Variants in COL6A3 observed in about 807,000 individuals in gnomAD.
The protein encoded by COL6A3 is collagen type VI alpha 3 chain, also known as collagen alpha-3(VI) chain.
Under a neutral mutation model 274.1 loss-of-function variants are expected in COL6A3, and 137 were observed. That is an observed-to-expected ratio of 0.50 (90% CI 0.44 to 0.58). The LOEUF is 0.58. Ranked by LOEUF, COL6A3 falls within the 20% of genes least tolerant of loss-of-function variation. The probability of loss-of-function intolerance (pLI) is 0.00; values close to 1 mark genes in which losing one functional copy is unlikely to be tolerated. For missense variants in COL6A3, 3,950 were observed against 4,124.9 expected (o/e 0.96, Z 1.16); for synonymous variants, 1,650 against 1,650.6 (o/e 1.00, Z 0.01).
Position 237,390,311 on chromosome 2 carries a change from T to G in COL6A3, c.710-2127A>C, listed in dbSNP as rs987358842. ...ACATTCTCTTGTAAAAGACTGAACA[T>G]CTACAGTGGCCAGTCATAGAAACAC... On this transcript the variant is annotated intron_variant, in intron 3 of 43. Transcript: ENST00000295550. Among the ~76,000 whole-genome samples the G allele has an allele frequency of 2.0e-5, 3 of 152,214 alleles. No homozygotes were observed. The East Asian group carries it at 5.8e-4, about 29-fold the overall frequency.
At position 237,394,576 on chromosome 2, in the gene COL6A3, G is replaced by A. The variant is rs111660070; in HGVS notation, c.709+11C>T. The A allele has an allele frequency of 8.5e-4, 1,378 of 1,613,738 alleles. 14 individuals are homozygous for A. The African/African-American group carries it at 0.015, about 18-fold the overall frequency. On this transcript the variant is annotated intron_variant, in intron 3 of 43. Coordinates refer to ENST00000295550, the MANE Select transcript of COL6A3 (RefSeq NM_004369.4). The stretch of plus-strand genomic sequence containing the variant: ...GCAGGGCAGGGCGTAGCTTGGTGGC[G>A]TTGCCATTACCTGTGATGTCTTTAA...
intron 30 of COL6A3, 39 bp downstream of exon 30, chr2:237,348,309 CA>C: frequency 6.3e-7 from 1 of 1,577,134 alleles, no homozygotes; most frequent in Non-Finnish European, 8.7e-7. Flanking sequence ...AGAGCCATCC[CA>C]AAATCATGAT....
At chr2:237,383,153 G>A (rs916963512) in intron 4 of COL6A3, among the ~76,000 whole-genome samples, 6 of 152,300 alleles carry the variant, frequency 3.9e-5, no homozygotes, top group African/African-American at 9.6e-5. Context: ...CAGAAGCTGG[G>A]AGCGTGATGC....
chr2:237,383,605 T>A (rs909591344), intron 4 of COL6A3, among the ~76,000 whole-genome samples: 3 of 152,084 alleles, frequency 2.0e-5, no homozygotes, highest in Non-Finnish European at 4.4e-5. Context: ...AATCTACCAC[T>A]CATGTATTTA....
In COL6A3 at chr2:237,336,364, CGGCTTTGCAGCGGCT is replaced by C. The variant is rs1700547054; in HGVS notation, c.8721_8735del (p.Ala2909_Ala2913del). On this transcript the variant is annotated inframe_deletion, in exon 40 of 44. Coordinates refer to ENST00000295550, the MANE Select transcript of COL6A3 (RefSeq NM_004369.4). ...TGGCAGCCACAGGTTTCGCAGGGGCCGGCTTTGCAGCGGCTGGCTTCACAGATGGCTGATTTATAA... is the reference window on the plus strand; with the variant it reads ...TGGCAGCCACAGGTTTCGCAGGGGCCGGCTTCACAGATGGCTGATTTATAA... The C allele has an allele frequency of 1.2e-6, 2 of 1,614,124 alleles. No individual in the cohort carries two copies.
chr2:237,412,987 G>A (rs1295489584), intron 1 of COL6A3, among the ~76,000 whole-genome samples: 1 of 152,138 alleles, frequency 6.6e-6, no homozygotes, highest in African/African-American at 2.4e-5. Context: ...CCACTCCCTA[G>A]TCCCTCCCAG....
Position 237,357,430 on chromosome 2 carries a change from GAGA to G in COL6A3, c.6538-42_6538-40del, listed in dbSNP as rs1354754585. The stretch of plus-strand genomic sequence containing the variant: ...AATTAGCATGAGATTCTCATCTGCA[GAGA>G]AGAATGTCTAGCTCTGAAATGCTGC... On this transcript the variant is annotated intron_variant, in intron 22 of 43. Coordinates refer to ENST00000295550, the MANE Select transcript of COL6A3 (RefSeq NM_004369.4). 6 of 1,544,236 alleles carry G rather than the reference GAGA, an allele frequency of 3.9e-6. No homozygotes were observed. The African/African-American group carries it at 8.2e-5, about 21-fold the overall frequency.
chr2:237,393,370 A>T (rs1198823659), intron 3 of COL6A3, among the ~76,000 whole-genome samples: 1 of 152,098 alleles, frequency 6.6e-6, no homozygotes, highest in African/African-American at 2.4e-5. Flanking sequence ...AAATAACTTC[A>T]ATCCCTCCAA....
At chr2:237,328,364 TA>T (rs1700056457) in intron 42 of COL6A3, 1 of 152,288 alleles carries the variant, frequency 6.6e-6, no homozygotes, top group African/African-American at 2.4e-5. Context: ...TAGAACATCC[TA>T]AAAACAACCA....
intron 36 of COL6A3, 167 bp from the exon 37 acceptor site, chr2:237,342,328 T>C (rs1289209703): frequency 3.0e-6 from 2 of 657,260 alleles, no homozygotes; most frequent in Non-Finnish European, 5.5e-6. Context: ...GCTCTGAGTA[T>C]AATAGAAAGA....
Position 237,371,135 on chromosome 2 carries a change from C to T in COL6A3, c.4285+597G>A, listed in dbSNP as rs1277209832. On this transcript the variant is annotated intron_variant, in intron 9 of 43. Transcript: ENST00000295550. The surrounding 1 kb of genome is among the most constrained non-coding windows in gnomAD (Gnocchi z 4.3). The stretch of plus-strand genomic sequence containing the variant: ...CAGTTCCATTTCTTTAAGCCTTCCA[C>T]AAAATGACCTGCCACTAGCTCAAGT... Among the ~76,000 whole-genome samples, 1 of 152,212 alleles carries T rather than the reference C, an allele frequency of 6.6e-6. No individual in the cohort carries two copies. The highest frequency in any genetic ancestry group is 1.5e-5 in the Non-Finnish European group (1 of 68,038).
At chr2:237,338,164 G>T (rs1213544237) in intron 39 of COL6A3, among the ~76,000 whole-genome samples, 3 of 152,152 alleles carry the variant, frequency 2.0e-5, no homozygotes, top group African/African-American at 4.8e-5. Context: ...GACATGCTTT[G>T]GTCAATAGAA....
chr2:237,403,757 GC>G (rs1281207740), intron 1 of COL6A3, among the ~76,000 whole-genome samples: 1 of 151,976 alleles, frequency 6.6e-6, no homozygotes, highest in Admixed American at 6.6e-5. Context: ...GCACAGCAGG[GC>G]TCAGGGACCC....
chr2:237,371,657 G>A lies in COL6A3; in HGVS notation c.4285+75C>T. On this transcript the variant is annotated intron_variant, in intron 9 of 43. Transcript: ENST00000295550. The surrounding 1 kb of genome is among the most constrained non-coding windows in gnomAD (Gnocchi z 4.3). ...TTTATTTTAATTTAATTTATTATGAGTACCATGGCCTTTGAGCCTGTTATT... is the reference window on the plus strand; with the variant it reads ...TTTATTTTAATTTAATTTATTATGAATACCATGGCCTTTGAGCCTGTTATT... The A allele has an allele frequency of 6.6e-7, 1 of 1,515,410 alleles. No individual in the cohort carries two copies. The highest frequency in any genetic ancestry group is 8.8e-7 in the Non-Finnish European group (1 of 1,135,398). The allele number at this position is 1,515,410 out of a possible 1,614,324, so 93.9% of individuals were successfully genotyped here. A position where few individuals can be genotyped will look rare whatever the true frequency, so the allele number is the denominator to read the frequency against.
chr2:237,396,091 C>A (rs1215946806), intron 2 of COL6A3, among the ~76,000 whole-genome samples: 1 of 152,204 alleles, frequency 6.6e-6, no homozygotes, highest in East Asian at 1.9e-4. Context: ...GAGGAAGAAT[C>A]CCTCAGAGGC....
rs116723844 is a variant in COL6A3, at chr2:237,396,930, G to A, written c.-30-83C>T. The A allele has an allele frequency of 1.2e-3, 1,112 of 931,098 alleles. 7 individuals carry two copies. In the African/African-American group the frequency reaches 0.015, roughly 13 times the overall value. The allele number at this position is 931,098 out of a possible 1,614,324, so 57.7% of individuals were successfully genotyped here. ...TCTCTCAAAATCCCATGCTTTCTAC[G>A]TCCTTTTTAGACTTCCAAGAAGACT... is the stretch of plus-strand genomic sequence containing the variant. On this transcript the variant is annotated intron_variant, in intron 1 of 43. Coordinates refer to ENST00000295550, the MANE Select transcript of COL6A3 (RefSeq NM_004369.4).
chr2:237,410,522 C>G (rs1381955743), intron 1 of COL6A3, among the ~76,000 whole-genome samples: 1 of 152,058 alleles, frequency 6.6e-6, no homozygotes, highest in Non-Finnish European at 1.5e-5. Context: ...CCAGGCTTGT[C>G]TCAAACTCCT....
In COL6A3 at chr2:237,407,583, G is replaced by A. The variant is rs2078752355; in HGVS notation, c.-31+6370C>T. Among the ~76,000 whole-genome samples, 1 of 152,230 alleles carries A rather than the reference G, an allele frequency of 6.6e-6. No homozygotes were observed. Among genetic ancestry groups the A allele is most frequent in the Non-Finnish European group, 1.5e-5 (1 of 68,042 alleles). Reference sequence around the variant, plus strand: ...CAGGCTTAGGCCAAGCTCCTCAGAGGTGGGTCTCCTTCCCATTACAAAGGC... The same window carrying A: ...CAGGCTTAGGCCAAGCTCCTCAGAGATGGGTCTCCTTCCCATTACAAAGGC... On this transcript the variant is annotated intron_variant, in intron 1 of 43. Coordinates refer to ENST00000295550, the MANE Select transcript of COL6A3 (RefSeq NM_004369.4). This position sits in a 1 kb window ranked among gnomAD's most constrained non-coding sequence, Gnocchi z 4.3.
intron 42 of COL6A3, 135 bp downstream of exon 42, chr2:237,333,315 G>T: frequency 1.3e-6 from 1 of 766,542 alleles, no homozygotes; most frequent in Non-Finnish European, 2.3e-6. Context: ...ATGTTGGGCT[G>T]CACAGAGCTG....
Sources: gnomAD v4.1 joint callset for allele counts (sites outside exome capture counted in the v4.1 genomes callset) on GRCh38, gnomAD v4.1.1 for gene constraint, Gnocchi (gnomAD v3.1) non-coding constraint, MANE v1.5 for transcripts, NCBI Gene and HGNC (gene_info 2026-07-23, HGNC 2026-07-21) for gene names.